TENM4: variants seen among roughly 807,000 people sequenced by gnomAD.
TENM4 encodes teneurin transmembrane protein 4.
In TENM4, 82 loss-of-function variants were observed where a neutral mutation model predicts 243.3. The observed-to-expected ratio is 0.34, with a 90% CI of 0.28 to 0.40. The LOEUF is 0.40. TENM4 is among the 10% of genes least tolerant of loss of function. TENM4 has a pLI of 1.00. For synonymous variants in TENM4, 1,412 were observed against 1,456.3 expected (o/e 0.97, Z 0.69); for missense variants, 3,138 against 3,673.3 (o/e 0.85, Z 3.77).
At chr11:78,794,838 A>AGTTTTAT (rs1376717214) in intron 15 of TENM4, among the ~76,000 whole-genome samples, 1 of 152,204 alleles carries the variant, frequency 6.6e-6, no homozygotes, top group Admixed American at 6.5e-5. Context: ...CTAGAGGAGC[A>AGTTTTAT]GGCTTTATGG....
At chr11:78,955,788 A>G (rs1158296858) in intron 6 of TENM4, among the ~76,000 whole-genome samples, 1 of 152,224 alleles carries the variant, frequency 6.6e-6, no homozygotes, top group Non-Finnish European at 1.5e-5. Context: ...TAGAGTCACC[A>G]GAGTTTCCCA....
Position 78,843,494 on chromosome 11 carries a change from C to CA in TENM4, c.1681+10609dup, listed in dbSNP as rs1268693993. Reference sequence around the variant, plus strand: ...AAAGCAAGACCCTGTTGCTAAAAAACAAAAAAAAACAAGAAATAGTTTATG... The same window carrying CA: ...AAAGCAAGACCCTGTTGCTAAAAAACAAAAAAAAAACAAGAAATAGTTTATG... On this transcript the variant is annotated intron_variant, in intron 12 of 33. Transcript: ENST00000278550. 8.7e-4 allele frequency among the ~76,000 whole-genome samples: 129 copies of CA among 147,916 alleles called. No homozygotes were observed. The South Asian group carries it at 0.014, about 16-fold the overall frequency.
chr11:79,106,878 A>T (rs1861383515), intron 4 of TENM4, among the ~76,000 whole-genome samples: 1 of 152,248 alleles, frequency 6.6e-6, no homozygotes, highest in Non-Finnish European at 1.5e-5. Flanking sequence ...GAAGAACAGC[A>T]TGAATATTTT....
intron 2 of TENM4, among the ~76,000 whole-genome samples, chr11:79,266,816 T>G (rs1855891166): frequency 6.6e-6 from 1 of 152,160 alleles, no homozygotes; most frequent in Admixed American, 6.5e-5. Context: ...AAAAACAAAT[T>G]GAAGCCATTG....
intron 4 of TENM4, among the ~76,000 whole-genome samples, chr11:79,138,853 A>ATATAAAATG (rs1239891640): frequency 1.7e-5 from 2 of 119,986 alleles, no homozygotes; most frequent in African/African-American, 6.6e-5. Context: ...TTATATAAAT[A>ATATAAAATG]TACAAAATAT....
intron 3 of TENM4, among the ~76,000 whole-genome samples, chr11:79,212,797 ATTAGT>A (rs2135219034): frequency 6.6e-6 from 1 of 152,246 alleles, no homozygotes; most frequent in East Asian, 1.9e-4. Flanking sequence ...TCTGAATTTC[ATTAGT>A]GTCCCATTTA....
intron 19 of TENM4, among the ~76,000 whole-genome samples, chr11:78,746,154 G>A (rs1856046863): frequency 6.6e-6 from 1 of 152,172 alleles, no homozygotes. Flanking sequence ...AGTTACAGGG[G>A]TCTTCTGAGT....
Position 79,041,564 on chromosome 11 carries a change from A to C in TENM4, c.493+23174T>G, listed in dbSNP as rs141421732. On this transcript the variant is annotated intron_variant, in intron 6 of 33. Coordinates refer to ENST00000278550, the MANE Select transcript of TENM4 (RefSeq NM_001098816.3). ...AGAAGATTCTTTTTAAAACTGGCCC[A>C]AGGCATCTTTGCTCATGAATGTGAA... 4.0e-3 allele frequency among the ~76,000 whole-genome samples: 603 copies of C among 151,706 alleles called. 8 individuals carry two copies. The highest frequency in any genetic ancestry group is 0.014 in the African/African-American group (567 of 41,436).
In TENM4 at chr11:78,811,987, T is replaced by G. The variant is rs535351632; in HGVS notation, c.1978+135A>C. On this transcript the variant is annotated intron_variant, in intron 14 of 33. Coordinates refer to ENST00000278550, the MANE Select transcript of TENM4 (RefSeq NM_001098816.3). The stretch of plus-strand genomic sequence containing the variant: ...TGGATTAGTTACTGTTGCTGGTGGG[T>G]GGGCTCCTGGCTTGGGGAGGTGGGG... 7.0e-5 allele frequency: 74 copies of G among 1,056,278 alleles called. 1 individual carries two copies. The African/African-American group carries it at 1.0e-3, about 14-fold the overall frequency. 65.4% of individuals were successfully genotyped at this position (1,056,278 alleles called of 1,614,324 possible).
At chr11:79,007,948 G>A (rs376752921) in intron 6 of TENM4, among the ~76,000 whole-genome samples, 1 of 152,076 alleles carries the variant, frequency 6.6e-6, no homozygotes, top group East Asian at 1.9e-4. Flanking sequence ...TTAGCAATGC[G>A]CCAAGCCACT....
At chr11:78,703,549 A>G (rs1286461331) in intron 27 of TENM4, among the ~76,000 whole-genome samples, 1 of 152,038 alleles carries the variant, frequency 6.6e-6, no homozygotes, top group African/African-American at 2.4e-5. Context: ...CACCCAGGGG[A>G]TTGTAGCTGG....
At chr11:79,238,664 TTCTCTCTC>T (rs61547277) in intron 2 of TENM4, among the ~76,000 whole-genome samples, 1 of 149,654 alleles carries the variant, frequency 6.7e-6, no homozygotes, top group Admixed American at 6.7e-5. Flanking sequence ...ATAAATCTCT[TTCTCTCTC>T]TCTCTCTCTC....
chr11:78,962,989 C>A (rs1048164958), intron 6 of TENM4, among the ~76,000 whole-genome samples: 5 of 152,228 alleles, frequency 3.3e-5, no homozygotes, highest in African/African-American at 1.2e-4. Context: ...TTCTCTGGAA[C>A]CTGCCTAAAA....
intron 14 of TENM4, among the ~76,000 whole-genome samples, chr11:78,809,667 T>C (rs1360249182): frequency 4.0e-5 from 6 of 151,794 alleles, no homozygotes; most frequent in Non-Finnish European, 7.4e-5. Context: ...GATGAAGGAG[T>C]AGGAGCAATG....
intron 1 of TENM4, among the ~76,000 whole-genome samples, chr11:79,409,017 C>T (rs1055501306): frequency 3.3e-5 from 5 of 151,080 alleles, no homozygotes; most frequent in Admixed American, 3.3e-4. Context: ...TCCTTTTGGT[C>T]TTCCTTTGCC....
chr11:78,875,306 T>C (rs1859242167), intron 9 of TENM4, among the ~76,000 whole-genome samples: 1 of 152,132 alleles, frequency 6.6e-6, no homozygotes, highest in African/African-American at 2.4e-5. Flanking sequence ...TAGGCTCCAG[T>C]GATTCTCTTG....
chr11:79,394,236 C>A (rs1334268808), intron 1 of TENM4, among the ~76,000 whole-genome samples: 1 of 152,178 alleles, frequency 6.6e-6, no homozygotes, highest in Non-Finnish European at 1.5e-5. Flanking sequence ...TTCAAGCCAA[C>A]AAGTATTTAC....
intron 2 of TENM4, among the ~76,000 whole-genome samples, chr11:79,240,222 G>A (rs142244197): frequency 5.4e-4 from 82 of 152,256 alleles, no homozygotes; most frequent in African/African-American, 1.9e-3. Flanking sequence ...GCTGCCCATA[G>A]AATTTAATGC....
chr11:79,144,104 GA>G (rs1390454128), intron 4 of TENM4, among the ~76,000 whole-genome samples: 5 of 151,786 alleles, frequency 3.3e-5, no homozygotes, highest in South Asian at 4.2e-4. Flanking sequence ...AACTCGGCAG[GA>G]AAAAAATATA....
Sources: gnomAD v4.1 joint callset for allele counts (sites outside exome capture counted in the v4.1 genomes callset) on GRCh38, gnomAD v4.1.1 for gene constraint, MANE v1.5 for transcripts, NCBI Gene and HGNC (gene_info 2026-07-23, HGNC 2026-07-21) for gene names.